The following KCNB2 variants were observed in gnomAD, a reference collection of about 807,000 sequenced individuals.
KCNB2 encodes the protein potassium voltage-gated channel subfamily B member 2.
In KCNB2, 15 loss-of-function variants were observed where a neutral mutation model predicts 61.5. The ratio of observed to expected loss-of-function variants is 0.24; its 90% CI spans 0.16 to 0.38. The LOEUF (loss-of-function observed/expected upper bound fraction) is 0.38, where lower values mean the gene tolerates loss of function less well. Ranked by LOEUF, KCNB2 falls within the 10% of genes least tolerant of loss-of-function variation. KCNB2 has a pLI of 1.00. For missense variants in KCNB2, 828 were observed against 1,125.2 expected (o/e 0.74, Z 3.78); for synonymous variants, 457 against 446.0 (o/e 1.02, Z -0.31).
chr8:72,745,637 A>C (rs1218851053), intron 2 of KCNB2, among the ~76,000 whole-genome samples: 1 of 152,160 alleles, frequency 6.6e-6, no homozygotes, highest in Non-Finnish European at 1.5e-5. Flanking sequence ...AACCATGGAC[A>C]TTCAACCTGG....
intron 2 of KCNB2, among the ~76,000 whole-genome samples, chr8:72,927,633 C>T (rs1420565675): frequency 6.6e-6 from 1 of 152,202 alleles, no homozygotes; most frequent in Non-Finnish European, 1.5e-5. Context: ...TCTCTGAAAT[C>T]AAGGCTCTCG....
chr8:72,928,681 GACACAC>G (rs10606839), intron 2 of KCNB2, among the ~76,000 whole-genome samples: 44,323 of 143,710 alleles, frequency 0.31, 7,410 homozygotes, highest in Non-Finnish European at 0.4. Context: ...CACACACACA[GACACAC>G]ACACACACAC....
At chr8:72,777,907 T>C (rs970144690) in intron 2 of KCNB2, among the ~76,000 whole-genome samples, 3 of 152,170 alleles carry the variant, frequency 2.0e-5, no homozygotes, top group African/African-American at 7.2e-5. Context: ...TGAGGAAAAA[T>C]CCAGTACTGG....
At chr8:72,795,313 G>A (rs1256151834) in intron 2 of KCNB2, among the ~76,000 whole-genome samples, 1 of 152,242 alleles carries the variant, frequency 6.6e-6, no homozygotes, top group Non-Finnish European at 1.5e-5. Context: ...AGATACAACA[G>A]TTGTGGGCTA....
At chr8:72,763,411 A>C (rs5017511) in intron 2 of KCNB2, among the ~76,000 whole-genome samples, 13,784 of 152,040 alleles carry the variant, frequency 0.091, 1,240 homozygotes, top group East Asian at 0.51. Context: ...ATCTCTGGCT[A>C]CATGTTGACA....
chr8:72,700,834 C>A lies in KCNB2; in HGVS notation c.579+132521C>A, dbSNP rs556806823. ...CTATAACAAAGATATGAAATCAACCCGAGTGTCCATCAGGGATTGGATAAA... is the reference window on the plus strand; with the variant it reads ...CTATAACAAAGATATGAAATCAACCAGAGTGTCCATCAGGGATTGGATAAA... On this transcript the variant is annotated intron_variant, in intron 2 of 2. Coordinates refer to ENST00000523207, the MANE Select transcript of KCNB2 (RefSeq NM_004770.3). Among the ~76,000 whole-genome samples, 3 of 152,056 alleles carry A rather than the reference C, an allele frequency of 2.0e-5. No homozygotes were observed. In the South Asian group the frequency reaches 6.2e-4, roughly 32 times the overall value.
chr8:72,707,720 C>T (rs986368580), intron 2 of KCNB2, among the ~76,000 whole-genome samples: 1 of 152,186 alleles, frequency 6.6e-6, no homozygotes, highest in African/African-American at 2.4e-5. Context: ...TAACGTTTTT[C>T]CTGCTCACAG....
chr8:72,669,986 T>C (rs1487895324), intron 2 of KCNB2, among the ~76,000 whole-genome samples: 1 of 152,214 alleles, frequency 6.6e-6, no homozygotes, highest in Non-Finnish European at 1.5e-5. Context: ...AGAGCTGAGC[T>C]CTGGTCTCAG....
intron 2 of KCNB2, among the ~76,000 whole-genome samples, chr8:72,616,808 T>G (rs1055632570): frequency 9.2e-5 from 14 of 152,166 alleles, no homozygotes; most frequent in Non-Finnish European, 2.9e-5. Context: ...TTAATAAATA[T>G]TTACTGCATA....
intron 2 of KCNB2, among the ~76,000 whole-genome samples, chr8:72,663,749 A>T (rs1806416817): frequency 6.6e-6 from 1 of 152,212 alleles, no homozygotes; most frequent in Non-Finnish European, 1.5e-5. Context: ...ATTGGTGTGG[A>T]AACAGGAAAG....
At chr8:72,841,614 A>G (rs529638738) in intron 2 of KCNB2, among the ~76,000 whole-genome samples, 201 of 152,122 alleles carry the variant, frequency 1.3e-3, no homozygotes, top group African/African-American at 4.5e-3. Context: ...TTCCTTGGGC[A>G]GTGGTTTGTA....
chr8:72,697,577 G>A (rs921212304), intron 2 of KCNB2, among the ~76,000 whole-genome samples: 1 of 152,098 alleles, frequency 6.6e-6, no homozygotes, highest in African/African-American at 2.4e-5. Context: ...GTTCAAGGCT[G>A]CAGTGAACTA....
In KCNB2 at chr8:72,592,157, TAGAA is replaced by T. The variant is rs1239889476; in HGVS notation, c.579+23848_579+23851del. ...CTTCATGCTTTGATACATAGAAACA[TAGAA>T]AGAGAGAGTCATCTTCTCTGTTTCA... On this transcript the variant is annotated intron_variant, in intron 2 of 2. Transcript: ENST00000523207. Among the ~76,000 whole-genome samples the T allele has an allele frequency of 4.5e-4, 69 of 152,116 alleles. 1 individual carries two copies. Among genetic ancestry groups the T allele is most frequent in the Non-Finnish European group, 1.5e-5 (1 of 67,994 alleles).
At chr8:72,923,020 G>A in intron 2 of KCNB2, among the ~76,000 whole-genome samples, 1 of 151,506 alleles carries the variant, frequency 6.6e-6, no homozygotes, top group East Asian at 1.9e-4. Context: ...CAGGCAGTGG[G>A]GGTTGGGGGG....
chr8:72,858,744 A>G (rs1203709429), intron 2 of KCNB2, among the ~76,000 whole-genome samples: 2 of 152,246 alleles, frequency 1.3e-5, no homozygotes, highest in Non-Finnish European at 2.9e-5. Context: ...CATCATTGCC[A>G]GTGGCCTTGC....
At chr8:72,794,597 G>A (rs144939381) in intron 2 of KCNB2, among the ~76,000 whole-genome samples, 173 of 150,866 alleles carry the variant, frequency 1.1e-3, no homozygotes, top group African/African-American at 3.8e-3. Flanking sequence ...AGGCATGGAT[G>A]GTGATATTCT....
At chr8:72,624,991 A>T (rs1256293902) in intron 2 of KCNB2, among the ~76,000 whole-genome samples, 2 of 152,210 alleles carry the variant, frequency 1.3e-5, no homozygotes, top group Non-Finnish European at 2.9e-5. Context: ...CACATACATT[A>T]GGAACTGAAT....
chr8:72,550,214 G>T (rs993167996), intron 1 of KCNB2, among the ~76,000 whole-genome samples: 1 of 152,226 alleles, frequency 6.6e-6, no homozygotes, highest in African/African-American at 2.4e-5. Context: ...TAGCCAAATA[G>T]CCCATTATGT....
At chr8:72,577,245 C>T (rs939459362) in intron 2 of KCNB2, among the ~76,000 whole-genome samples, 5 of 151,906 alleles carry the variant, frequency 3.3e-5, no homozygotes, top group Admixed American at 6.6e-5. Context: ...TAGCAGCAGC[C>T]CTCACTGAGT....
Sources: allele counts gnomAD v4.1 joint callset (sites outside exome capture counted in the v4.1 genomes callset), GRCh38; gene constraint gnomAD v4.1.1; transcripts MANE v1.5; gene names NCBI Gene and HGNC (gene_info 2026-07-23, HGNC 2026-07-21).